The following EZH1 variants were observed in gnomAD, a reference collection of about 807,000 sequenced individuals.
EZH1 encodes the protein enhancer of zeste 1 polycomb repressive complex 2 subunit, also known as histone-lysine N-methyltransferase EZH1.
A neutral mutation model predicts 100.5 loss-of-function variants in EZH1; 33 were observed. The ratio of observed to expected loss-of-function variants is 0.33; its 90% confidence interval spans 0.25 to 0.44. EZH1 has a LOEUF of 0.44. Among genes scored for constraint, EZH1 ranks in the 20% least tolerant of loss-of-function variants. EZH1 has a pLI of 1.00. For synonymous variants in EZH1, 272 were observed against 313.8 expected (o/e 0.87, Z 1.41); for missense variants, 475 against 928.4 (o/e 0.51, Z 6.35).
Position 42,714,978 on chromosome 17 carries a change from TAA to T in EZH1, c.1024-1591_1024-1590del, listed in dbSNP as rs566350016. 3.2e-3 allele frequency among the ~76,000 whole-genome samples: 446 copies of T among 138,758 alleles called. 1 individual carries two copies. Among genetic ancestry groups the T allele is most frequent in the Admixed American group, 6.2e-3 (80 of 12,872 alleles). 91.0% of individuals were successfully genotyped at this position (138,758 alleles called of 152,430 possible). On this transcript the variant is annotated intron_variant, in intron 10 of 20. Coordinates refer to ENST00000428826, the MANE Select transcript of EZH1 (RefSeq NM_001991.5). ...AATATATAAATATATGAAATTTATA[TAA>T]ATATATTTATATATAATTTATATAA...
At position 42,713,278 on chromosome 17, in the gene EZH1, C is replaced by A. The variant is rs755626306; in HGVS notation, c.1135G>T (p.Ala379Ser). The change falls in exon 11 of 21, where the codon GCT becomes TCT. Residue 379 changes from alanine to serine, a missense_variant. Coordinates refer to ENST00000428826, the MANE Select transcript of EZH1 (RefSeq NM_001991.5). ...TCTCCTTCTTTAGTCTCAGCCACAG[C>A]AGAGGCTGAGGCATTGGAGCAGGAA... ...SASCSNASAS[A>S]VAETKEGDSD... 2.5e-6 allele frequency: 4 copies of A among 1,613,934 alleles called. No individual in the cohort carries two copies. Among genetic ancestry groups the A allele is most frequent in the Non-Finnish European group, 3.4e-6 (4 of 1,179,982 alleles).
At chr17:42,723,744 G>GAC (rs2053763685) in intron 5 of EZH1, among the ~76,000 whole-genome samples, 4 of 152,050 alleles carry the variant, frequency 2.6e-5, no homozygotes. Flanking sequence ...TATAAACCTC[G>GAC]ACCTCATTCC....
Position 42,716,105 on chromosome 17 carries a change from G to A in EZH1, c.1023+1871C>T, listed in dbSNP as rs547658169. Among the ~76,000 whole-genome samples the A allele has an allele frequency of 3.2e-4, 48 of 151,040 alleles. 1 individual carries two copies. The highest frequency in any genetic ancestry group is 2.6e-3 in the Admixed American group (39 of 15,154). On this transcript the variant is annotated intron_variant, in intron 10 of 20. Coordinates refer to ENST00000428826, the MANE Select transcript of EZH1 (RefSeq NM_001991.5). ...TATGATGTCTGACTGGATGATCCTG[G>A]TTTGGAAACAAAACAAAACAAAACA...
intron 14 of EZH1, 71 bp downstream of exon 14, chr17:42,708,805 G>A (rs1317362734): frequency 5.3e-6 from 8 of 1,516,950 alleles, no homozygotes; most frequent in Non-Finnish European, 7.3e-6. Flanking sequence ...GCAGCTGGAG[G>A]TGGGGTAGGG....
intron 6 of EZH1, among the ~76,000 whole-genome samples, chr17:42,720,661 A>G (rs1388409483): frequency 6.6e-6 from 1 of 151,328 alleles, no homozygotes. Context: ...GGCTTTATTT[A>G]TTTTTATTAT....
At chr17:42,703,453 C>T in intron 19 of EZH1, 1 of 382,154 alleles carries the variant, frequency 2.6e-6, no homozygotes, top group South Asian at 2.7e-5. Context: ...GCTGGGATTA[C>T]AGGCGTAAGC....
chr17:42,724,664 T>C lies in EZH1; in HGVS notation c.247-240A>G, dbSNP rs1401681853. 3 of 343,764 alleles carry C rather than the reference T, an allele frequency of 8.7e-6. No homozygotes were observed. The East Asian group carries it at 1.8e-4, about 21-fold the overall frequency. The allele number at this position is 343,764 out of a possible 1,614,324, so 21.3% of individuals were successfully genotyped here. A position where few individuals can be genotyped will look rare whatever the true frequency, so the allele number is the denominator to read the frequency against. On this transcript the variant is annotated intron_variant, in intron 4 of 20. Transcript: ENST00000428826. ...AGCTGAGCATGGTGGTACACACATG[T>C]AATCCCAGCTACTTGGGAGACTGAG...
intron 5 of EZH1, among the ~76,000 whole-genome samples, chr17:42,723,746 C>T (rs2143810800): frequency 6.6e-6 from 1 of 152,284 alleles, no homozygotes; most frequent in African/African-American, 2.4e-5. Flanking sequence ...TAAACCTCGA[C>T]CTCATTCCAA....
chr17:42,709,642 G>C (rs938621832), intron 13 of EZH1: 6 of 544,018 alleles, frequency 1.1e-5, no homozygotes, highest in Non-Finnish European at 3.3e-6. Context: ...CACAGCACTG[G>C]GGGACAAGAA....
chr17:42,707,475 G>C (rs1401996011), intron 15 of EZH1, among the ~76,000 whole-genome samples: 5 of 152,186 alleles, frequency 3.3e-5, no homozygotes, highest in Admixed American at 3.3e-4. Context: ...TGGCCAGGCT[G>C]GTCTTGAGTC....
In EZH1 at chr17:42,718,061, T is replaced by G. The variant is rs1224911337; in HGVS notation, c.938A>C (p.His313Pro). ...FKYDCFLHPF[H>P]ATPNVYKRKN... is the part of the protein sequence containing the mutation. Reference sequence around the variant, plus strand: ...GCGTTTATATACATTAGGGGTGGCATGAAAAGCTGGAAAACAAAAACTGTC... The same window carrying G: ...GCGTTTATATACATTAGGGGTGGCAGGAAAAGCTGGAAAACAAAAACTGTC... Residue 313 changes from histidine (H) to proline (P), a missense_variant, in exon 10 of 21, where the codon CAT (histidine) becomes CCT (proline). Around this residue, in one of 8 missense-constraint regions of EZH1, gnomAD observed 180 missense variants for 295.3 expected, o/e 0.61. Coordinates refer to ENST00000428826, the MANE Select transcript of EZH1 (RefSeq NM_001991.5). The surrounding 1 kb of genome is among the most constrained non-coding windows in gnomAD (Gnocchi z 4.2). 1 of 1,613,930 alleles carries G rather than the reference T, an allele frequency of 6.2e-7. No homozygotes were observed. The highest frequency in any genetic ancestry group is 1.6e-4 in the Middle Eastern group (1 of 6,084).
chr17:42,705,250 G>C (rs2053328822), intron 16 of EZH1, 67 bp from the exon 17 acceptor site: 1 of 807,914 alleles, frequency 1.2e-6, no homozygotes, highest in Non-Finnish European at 2.1e-6. Flanking sequence ...TGCTGGATGT[G>C]CACATGTGTG....
Position 42,718,420 on chromosome 17 carries a change from A to C in EZH1, c.931+34T>G. 6.2e-7 allele frequency: 1 copy of C among 1,610,390 alleles called. No homozygotes were observed. Among genetic ancestry groups the C allele is most frequent in the Non-Finnish European group, 8.5e-7 (1 of 1,178,448 alleles). On this transcript the variant is annotated intron_variant, in intron 9 of 20. Transcript: ENST00000428826. The surrounding 1 kb of genome is among the most constrained non-coding windows in gnomAD (Gnocchi z 4.2). ...GAAATGGTGGCTGGGGATGGAAGAG[A>C]GGAGAGCATTTCAAACAGAGTAGCC... is the stretch of plus-strand genomic sequence containing the variant.
rs1477855624 is a variant in EZH1 at position 42,706,618 on chromosome 17, G to GTTGA, written c.1661-437_1661-434dup. On this transcript the variant is annotated intron_variant, in intron 15 of 20. Transcript: ENST00000428826. This position sits in a 1 kb window ranked among gnomAD's most constrained non-coding sequence, Gnocchi z 4.4. The stretch of plus-strand genomic sequence containing the variant: ...GGGATGAATGGCTTGAGCCAGGGAG[G>GTTGA]TTGAGGCTGCAGTGAGCCATAATTG... Among the ~76,000 whole-genome samples the GTTGA allele has an allele frequency of 6.6e-6, 1 of 152,056 alleles. No homozygotes were observed. The highest frequency in any genetic ancestry group is 1.9e-4 in the East Asian group (1 of 5,192).
intron 19 of EZH1, 82 bp from the exon 20 acceptor site, chr17:42,703,043 A>C: frequency 7.4e-7 from 1 of 1,348,154 alleles, no homozygotes; most frequent in South Asian, 1.2e-5. Flanking sequence ...GATTTTCTCC[A>C]AATTCCCAGT....
At chr17:42,736,948 G>A (rs886479270) in intron 1 of EZH1, among the ~76,000 whole-genome samples, 2 of 151,848 alleles carry the variant, frequency 1.3e-5, no homozygotes, top group Non-Finnish European at 2.9e-5. Context: ...ATGTTCTGCT[G>A]GCCAGTTGCA....
chr17:42,731,491 C>T (rs557781889), intron 1 of EZH1, among the ~76,000 whole-genome samples: 1 of 152,206 alleles, frequency 6.6e-6, no homozygotes, highest in South Asian at 2.1e-4. Flanking sequence ...AGTACAAACA[C>T]TAAATACATG....
intron 1 of EZH1, among the ~76,000 whole-genome samples, chr17:42,734,360 C>T (rs1391560192): frequency 2.0e-5 from 3 of 152,108 alleles, no homozygotes; most frequent in Non-Finnish European, 4.4e-5. Flanking sequence ...TTTTAAATTG[C>T]AATCCCTCTT....
intron 7 of EZH1, 59 bp from the exon 8 acceptor site, chr17:42,719,266 T>C (rs1292798542): frequency 2.3e-6 from 3 of 1,296,120 alleles, no homozygotes; most frequent in African/African-American, 2.9e-5. Flanking sequence ...TAAACAAATC[T>C]GTGTGATCTT....
Sources: allele counts gnomAD v4.1 joint callset (sites outside exome capture counted in the v4.1 genomes callset), GRCh38; gene constraint gnomAD v4.1.1; regional missense constraint gnomAD v4.1.1; non-coding constraint Gnocchi (gnomAD v3.1); transcripts MANE v1.5; gene names NCBI Gene and HGNC (gene_info 2026-07-23, HGNC 2026-07-21).